The following TENM4 variants were observed in gnomAD, a reference collection of about 807,000 sequenced individuals.
TENM4 encodes the protein teneurin-4.
TENM4 carries 82 observed loss-of-function variants against 243.3 expected under a neutral mutation model. The observed-to-expected ratio is 0.34, with a 90% CI of 0.28 to 0.40. The LOEUF is 0.40. Among genes scored for constraint, TENM4 ranks in the 10% least tolerant of loss-of-function variants. The pLI is 1.00. For missense variants in TENM4, 3,138 were observed against 3,673.3 expected (o/e 0.85, Z 3.77); for synonymous variants, 1,412 against 1,456.3 (o/e 0.97, Z 0.69).
chr11:79,137,491 G>A (rs973457581), intron 4 of TENM4, among the ~76,000 whole-genome samples: 48 of 151,696 alleles, frequency 3.2e-4, no homozygotes, highest in Middle Eastern at 3.4e-3. Flanking sequence ...CATGCCACCA[G>A]GCAAAAAAAC....
At chr11:78,676,555 T>A (rs1858483181) in intron 29 of TENM4, among the ~76,000 whole-genome samples, 168 bp from the exon 30 acceptor site, 1 of 152,244 alleles carries the variant, frequency 6.6e-6, no homozygotes, top group Non-Finnish European at 1.5e-5. Context: ...ACCATCCAGA[T>A]TCTCCATATC....
rs76860493 is a variant in TENM4, at chr11:79,432,719, G to C, written c.-321+7790C>G. On this transcript the variant is annotated intron_variant, in intron 1 of 33. Transcript: ENST00000278550. The stretch of plus-strand genomic sequence containing the variant: ...AATGATGCAAATTTTTACATGTCTC[G>C]ATCCACTTTCAAAGTAGGCCCAGAA... 5.6e-3 allele frequency among the ~76,000 whole-genome samples: 851 copies of C among 152,192 alleles called. 5 individuals are homozygous for C. The highest frequency in any genetic ancestry group is 0.01 in the Middle Eastern group (3 of 294).
At chr11:79,114,551 T>C (rs1861577520) in intron 4 of TENM4, among the ~76,000 whole-genome samples, 1 of 152,212 alleles carries the variant, frequency 6.6e-6, no homozygotes, top group Non-Finnish European at 1.5e-5. Flanking sequence ...CCTGCTAAGA[T>C]CTGGTCCCCA....
At chr11:79,165,835 C>G (rs1862899627) in intron 3 of TENM4, among the ~76,000 whole-genome samples, 1 of 152,086 alleles carries the variant, frequency 6.6e-6, no homozygotes, top group Non-Finnish European at 1.5e-5. Flanking sequence ...AGATGAGGAT[C>G]CAGTTTCATT....
chr11:79,075,389 A>G (rs1400636943), intron 4 of TENM4, among the ~76,000 whole-genome samples: 1 of 152,224 alleles, frequency 6.6e-6, no homozygotes, highest in Non-Finnish European at 1.5e-5. Context: ...GCCACCTCCT[A>G]GCTGTGTGGC....
intron 8 of TENM4, among the ~76,000 whole-genome samples, chr11:78,890,230 A>G (rs1034665818): frequency 1.3e-5 from 2 of 152,164 alleles, no homozygotes; most frequent in Non-Finnish European, 2.9e-5. Context: ...TCCACTGAAC[A>G]CGGATGGGAC....
intron 14 of TENM4, among the ~76,000 whole-genome samples, chr11:78,807,733 T>C (rs1857419052): frequency 6.6e-6 from 1 of 152,150 alleles, no homozygotes; most frequent in African/African-American, 2.4e-5. Flanking sequence ...CTGATGACAC[T>C]GTGATGAGTA....
At chr11:78,837,991 C>T (rs59396861) in intron 12 of TENM4, among the ~76,000 whole-genome samples, 7,404 of 152,092 alleles carry the variant, frequency 0.049, 655 homozygotes, top group African/African-American at 0.17. Flanking sequence ...TGGTTTAATA[C>T]AAAATGCCAA....
rs115608208 is a variant in TENM4, at chr11:79,163,160, C to T, written c.-162-14354G>A. On this transcript the variant is annotated intron_variant, in intron 3 of 33. Coordinates refer to ENST00000278550, the MANE Select transcript of TENM4 (RefSeq NM_001098816.3). ...ATTTCCCTCTGCCCAATGGCACAGA[C>T]GATCTGAGAGGACAGGGGTGAGAGG... 4.3e-3 allele frequency among the ~76,000 whole-genome samples: 654 copies of T among 152,086 alleles called. 4 individuals are homozygous for T. The highest frequency in any genetic ancestry group is 0.015 in the African/African-American group (602 of 41,472).
intron 3 of TENM4, among the ~76,000 whole-genome samples, chr11:79,215,181 C>T (rs138057784): frequency 6.6e-6 from 1 of 152,308 alleles, no homozygotes; most frequent in African/African-American, 2.4e-5. Flanking sequence ...CATGTTCCTC[C>T]TCTAGCTTGA....
At chr11:79,160,309 C>A (rs1342795603) in intron 3 of TENM4, among the ~76,000 whole-genome samples, 2 of 152,188 alleles carry the variant, frequency 1.3e-5, no homozygotes, top group South Asian at 4.1e-4. Flanking sequence ...TTGACTTTCA[C>A]CCTCTAATGA....
At chr11:78,765,708 A>G (rs184386756) in intron 18 of TENM4, among the ~76,000 whole-genome samples, 159 of 152,334 alleles carry the variant, frequency 1.0e-3, no homozygotes, top group African/African-American at 3.6e-3. Context: ...AAATCATTTC[A>G]GTTCTCTGAG....
intron 1 of TENM4, among the ~76,000 whole-genome samples, chr11:79,327,230 T>A (rs983216878): frequency 1.8e-4 from 27 of 152,242 alleles, no homozygotes; most frequent in African/African-American, 6.0e-4. Flanking sequence ...ATGGATACAG[T>A]ATTTCTACAA....
intron 7 of TENM4, among the ~76,000 whole-genome samples, chr11:78,892,806 C>A (rs192627410): frequency 4.5e-4 from 69 of 152,292 alleles, no homozygotes; most frequent in African/African-American, 1.5e-3. Flanking sequence ...GTAGAAGCAA[C>A]TTTTCTAAGG....
At chr11:79,054,740 T>G (rs964632609) in intron 6 of TENM4, among the ~76,000 whole-genome samples, 2 of 152,098 alleles carry the variant, frequency 1.3e-5, no homozygotes, top group Non-Finnish European at 2.9e-5. Flanking sequence ...GTCATGGTGC[T>G]TGGCCCCCAG....
At chr11:78,939,139 T>C (rs1377227161) in intron 6 of TENM4, among the ~76,000 whole-genome samples, 1 of 152,212 alleles carries the variant, frequency 6.6e-6, no homozygotes, top group Admixed American at 6.5e-5. Flanking sequence ...TCCCGTTGTT[T>C]CCTTTCTCCT....
At chr11:79,358,679 TCCCTCCCTTG>T (rs1226120887) in intron 1 of TENM4, among the ~76,000 whole-genome samples, 3 of 133,804 alleles carry the variant, frequency 2.2e-5, no homozygotes, top group Non-Finnish European at 4.8e-5. Context: ...TCTCCTTCCC[TCCCTCCCTTG>T]CCTCCCTTGC....
intron 1 of TENM4, among the ~76,000 whole-genome samples, chr11:79,423,886 G>A (rs760005391): frequency 6.6e-6 from 1 of 152,102 alleles, no homozygotes; most frequent in Non-Finnish European, 1.5e-5. Flanking sequence ...CCTTCAAGTC[G>A]ACGTCAAATG....
intron 19 of TENM4, among the ~76,000 whole-genome samples, chr11:78,748,132 G>A (rs369554617): frequency 3.3e-5 from 5 of 152,138 alleles, no homozygotes; most frequent in Admixed American, 6.5e-5. Flanking sequence ...CAGTAGTGAC[G>A]CTAAAACCTG....
Sources: allele counts gnomAD v4.1 joint callset (sites outside exome capture counted in the v4.1 genomes callset), GRCh38; gene constraint gnomAD v4.1.1; transcripts MANE v1.5; gene names NCBI Gene and HGNC (gene_info 2026-07-23, HGNC 2026-07-21).